Variants in FAH observed in about 807,000 individuals in gnomAD.
The protein encoded by FAH is fumarylacetoacetase.
Under a neutral mutation model 55.8 loss-of-function variants are expected in FAH, and 47 were observed. The observed-to-expected ratio is 0.84, with a 90% CI of 0.67 to 1.07. FAH has a LOEUF of 1.07. FAH is among the 50% of genes least tolerant of loss of function. FAH has a pLI of 0.00. For missense variants in FAH, 495 were observed against 545.9 expected (o/e 0.91, Z 0.93); for synonymous variants, 199 against 207.7 (o/e 0.96, Z 0.36).
rs894101757 is a variant in FAH, at chr15:80,156,157, G to A, written c.82-1903G>A. 7.0e-5 allele frequency: 18 copies of A among 255,502 alleles called. No individual in the cohort carries two copies. In the East Asian group the frequency reaches 1.1e-3, roughly 16 times the overall value. 15.8% of individuals were successfully genotyped at this position (255,502 alleles called of 1,614,324 possible). A position where few individuals can be genotyped will look rare whatever the true frequency, so the allele number is the denominator to read the frequency against. ...AATGGGTGCCTTCCCAGGCACTGGC[G>A]TTACCGCTTGACCAAGGAGCGCTCA... On this transcript the variant is annotated intron_variant, in intron 1 of 13. Transcript: ENST00000561421.
chr15:80,178,415 T>C, intron 11 of FAH, among the ~76,000 whole-genome samples: 1 of 152,112 alleles, frequency 6.6e-6, no homozygotes, highest in South Asian at 2.1e-4. Context: ...TTTTTTCTGT[T>C]TTTCAGTTTT....
At chr15:80,182,561 A>ACTATTTACTGAACATCTGCTAGGAGC (rs2041340093) in intron 13 of FAH, among the ~76,000 whole-genome samples, 1 of 152,170 alleles carries the variant, frequency 6.6e-6, no homozygotes, top group African/African-American at 2.4e-5. Flanking sequence ...TTTGAATTTG[A>ACTATTTACTGAACATCTGCTAGGAGC]CTATTTACTG....
intron 13 of FAH, among the ~76,000 whole-genome samples, chr15:80,182,591 C>T (rs914292815): frequency 3.3e-5 from 5 of 152,210 alleles, no homozygotes; most frequent in South Asian, 2.1e-4. Context: ...TAGGAGCCAA[C>T]CATATTGCAG....
chr15:80,163,636 T>C (rs2041168271), intron 5 of FAH: 1 of 152,256 alleles, frequency 6.6e-6, no homozygotes, highest in African/African-American at 2.4e-5. Context: ...ACTTTTTAGC[T>C]TTATGTACAT....
In FAH at chr15:80,159,896, TA is replaced by T. The variant is rs772531438; in HGVS notation, c.314+20del. 6 of 1,613,512 alleles carry T rather than the reference TA, an allele frequency of 3.7e-6. No homozygotes were observed. The Admixed American group carries it at 6.7e-5, about 18-fold the overall frequency. On this transcript the variant is annotated intron_variant, in intron 3 of 13. Coordinates refer to ENST00000561421, the MANE Select transcript of FAH (RefSeq NM_000137.4). Reference sequence around the variant, plus strand: ...GGAAGTGGTGAGAAGCACGTGGTCATAGGGGGGATGAGGGGATGCAGCAGGG... The same window carrying T: ...GGAAGTGGTGAGAAGCACGTGGTCATGGGGGGATGAGGGGATGCAGCAGGG...
In FAH at chr15:80,167,641, T is replaced by C. The variant is rs144112982; in HGVS notation, c.456-411T>C. On this transcript the variant is annotated intron_variant, in intron 5 of 13. Coordinates refer to ENST00000561421, the MANE Select transcript of FAH (RefSeq NM_000137.4). ...CCACCTCTCAGGTTCAAGCGATTCT[T>C]CTGCCTCAGCCTCCCGAGTAGCTGG... Among the ~76,000 whole-genome samples, 229 of 151,698 alleles carry C rather than the reference T, an allele frequency of 1.5e-3. 1 individual carries two copies. Among genetic ancestry groups the C allele is most frequent in the African/African-American group, 5.2e-3 (216 of 41,340 alleles).
chr15:80,168,277 A>G lies in FAH; in HGVS notation c.567A>G (p.Val189=), dbSNP rs750785945. 6.2e-6 allele frequency: 10 copies of G among 1,609,790 alleles called. No homozygotes were observed. Among genetic ancestry groups the G allele is most frequent in the Middle Eastern group, 1.7e-4 (1 of 6,060 alleles). ...GTGTTATTCCAGCTAAGCCTCCCGT[A>G]TATGGTGCCTGCAAGCTCTTGGACA... ...QMKPDDSKPP[V]YGACKLLDME... is the part of the protein sequence containing the mutation. Residue 189 remains valine (V), a synonymous_variant, in exon 7 of 14, where the codon GTA becomes GTG. Coordinates refer to ENST00000561421, the MANE Select transcript of FAH (RefSeq NM_000137.4).
intron 7 of FAH, 26 bp downstream of exon 7, chr15:80,168,342 C>T (rs952260425): frequency 7.4e-6 from 12 of 1,611,252 alleles, no homozygotes; most frequent in East Asian, 2.2e-5. Context: ...GTTTTATTGC[C>T]ATGGGATCTA....
chr15:80,175,016 GA>G lies in FAH; in HGVS notation c.839del (p.Asp280AlafsTer24). 6.2e-7 allele frequency: 1 copy of G among 1,613,976 alleles called. No individual in the cohort carries two copies. The highest frequency in any genetic ancestry group is 8.5e-7 in the Non-Finnish European group (1 of 1,179,978). ...MPFAVPNPKQ[D>X]PRPLPYLCHD... ...TCTGTGCTGTGCTTTGCCCTCTCAG[GA>G]CCCCAGGCCCCTGCCGTATCTGTGC... On this transcript the variant is annotated frameshift_variant and splice_region_variant, in exon 10 of 14. Coordinates refer to ENST00000561421, the MANE Select transcript of FAH (RefSeq NM_000137.4). LOFTEE classifies it high-confidence loss of function.
intron 13 of FAH, among the ~76,000 whole-genome samples, chr15:80,184,840 A>T (rs892651993): frequency 6.6e-6 from 1 of 152,022 alleles, no homozygotes; most frequent in African/African-American, 2.4e-5. Flanking sequence ...TGGCATTTTC[A>T]TGTGTCTTCC....
rs1555441595 is a variant in FAH at position 80,172,242 on chromosome 15, T to G, written c.700T>G (p.Trp234Gly). 1 of 1,609,304 alleles carries G rather than the reference T, an allele frequency of 6.2e-7. No individual in the cohort carries two copies. The highest frequency in any genetic ancestry group is 8.5e-7 in the Non-Finnish European group (1 of 1,175,620). Residue 234 changes from tryptophan to glycine, a missense_variant, in exon 8 of 14, where the codon TGG (tryptophan) becomes GGG (glycine). By Grantham distance (184) the Trp-to-Gly change is radical. Transcript: ENST00000561421. Reference sequence around the variant, plus strand: ...TTTTGGAATGGTCCTTATGAACGACTGGAGTGGTAATTACTGGAGCTCTGC... The same window carrying G: ...TTTTGGAATGGTCCTTATGAACGACGGGAGTGGTAATTACTGGAGCTCTGC... ...HIFGMVLMND[W>G]SARDIQKWEY...
chr15:80,153,221 T>G (rs2041068710), intron 1 of FAH, 86 bp downstream of exon 1: 2 of 1,093,140 alleles, frequency 1.8e-6, no homozygotes, highest in African/African-American at 1.6e-5. Flanking sequence ...TGGAATGGAG[T>G]GGAATGAGGG....
intron 13 of FAH, among the ~76,000 whole-genome samples, chr15:80,183,242 C>A (rs1421744401): frequency 6.6e-6 from 1 of 152,012 alleles, no homozygotes; most frequent in Non-Finnish European, 1.5e-5. Flanking sequence ...GGGCAAAATC[C>A]CCTGGAACCA....
chr15:80,155,316 G>T (rs1347416104), intron 1 of FAH, among the ~76,000 whole-genome samples: 1 of 152,216 alleles, frequency 6.6e-6, no homozygotes, highest in African/African-American at 2.4e-5. Flanking sequence ...TTTGTGGCAT[G>T]AATAGCGTCT....
chr15:80,183,636 C>T (rs548638162), intron 13 of FAH, among the ~76,000 whole-genome samples: 2 of 152,226 alleles, frequency 1.3e-5, no homozygotes, highest in African/African-American at 4.8e-5. Flanking sequence ...GCTTGCTCTT[C>T]ACGGATGCTC....
chr15:80,186,298 C>T lies in FAH; in HGVS notation c.*89C>T, dbSNP rs1030615723. The T allele has an allele frequency of 3.6e-5, 38 of 1,046,624 alleles. No homozygotes were observed. The highest frequency in any genetic ancestry group is 3.4e-4 in the African/African-American group (22 of 64,360). 64.8% of individuals were successfully genotyped at this position (1,046,624 alleles called of 1,614,324 possible). A position where few individuals can be genotyped will look rare whatever the true frequency, so the allele number is the denominator to read the frequency against. ...CCTCCCTCGGGCTGTAGGCCTGGTC[C>T]GCCATTCAGTGACAAATAAAGCCAT... On this transcript the variant is annotated 3_prime_UTR_variant, in exon 14 of 14. Transcript: ENST00000561421.
chr15:80,173,204 G>T (rs1448810752), intron 9 of FAH, 60 bp downstream of exon 9: 4 of 1,611,230 alleles, frequency 2.5e-6, no homozygotes, highest in Non-Finnish European at 3.4e-6. Context: ...GAGGCTGCTT[G>T]CCCACTGAGT....
At chr15:80,177,505 G>T (rs1379309405) in intron 10 of FAH, 32 bp from the exon 11 acceptor site, 4 of 1,602,802 alleles carry the variant, frequency 2.5e-6, no homozygotes, top group South Asian at 1.1e-5. Flanking sequence ...ATGGAATTAA[G>T]TTTTCATCAA....
chr15:80,174,262 G>A (rs1334898591), intron 9 of FAH, among the ~76,000 whole-genome samples: 1 of 152,084 alleles, frequency 6.6e-6, no homozygotes, highest in East Asian at 1.9e-4. Flanking sequence ...GCCTTCTTCC[G>A]GGTCGGTCAT....
Sources: gnomAD v4.1 joint callset for allele counts (sites outside exome capture counted in the v4.1 genomes callset) on GRCh38, gnomAD v4.1.1 for gene constraint, MANE v1.5 for transcripts, NCBI Gene and HGNC (gene_info 2026-07-23, HGNC 2026-07-21) for gene names.